Variants in C10orf90 observed in about 807,000 individuals in gnomAD.
C10orf90 encodes the protein chromosome 10 open reading frame 90, also known as (E2-independent) E3 ubiquitin-conjugating enzyme FATS.
A neutral mutation model predicts 62.5 loss-of-function variants in C10orf90; 56 were observed. That is an observed-to-expected ratio of 0.90 (90% confidence interval 0.72 to 1.12). C10orf90 has a LOEUF of 1.12. Ranked by LOEUF, C10orf90 falls within the 50% of genes most tolerant of loss-of-function variation. The pLI, the probability that C10orf90 is intolerant of heterozygous loss-of-function variation, is 0.00. For missense variants in C10orf90, 970 were observed against 880.4 expected (o/e 1.10, Z -1.29); for synonymous variants, 386 against 340.4 (o/e 1.13, Z -1.47).
chr10:126,638,655 C>A (rs1333427655), intron 2 of C10orf90, among the ~76,000 whole-genome samples: 6 of 152,090 alleles, frequency 3.9e-5, no homozygotes, highest in African/African-American at 1.2e-4. Context: ...CCTTGGATGG[C>A]CTATCATATT....
chr10:126,628,141 C>G (rs1280077558), intron 2 of C10orf90, among the ~76,000 whole-genome samples: 1 of 152,212 alleles, frequency 6.6e-6, no homozygotes, highest in Non-Finnish European at 1.5e-5. Flanking sequence ...TGGATTCCAG[C>G]CCTACCAGGC....
At chr10:126,532,185 A>G (rs1040908400) in intron 2 of C10orf90, among the ~76,000 whole-genome samples, 1 of 152,098 alleles carries the variant, frequency 6.6e-6, no homozygotes, top group South Asian at 2.1e-4. Context: ...CTTCCATCTC[A>G]TTGCATCTCA....
intron 4 of C10orf90, among the ~76,000 whole-genome samples, chr10:126,497,409 A>G (rs1429873491): frequency 6.6e-6 from 1 of 152,150 alleles, no homozygotes; most frequent in East Asian, 1.9e-4. Context: ...AGAGCAAACA[A>G]CGCAAGGAGG....
chr10:126,650,561 T>G (rs1023531981), intron 1 of C10orf90, among the ~76,000 whole-genome samples: 1 of 152,008 alleles, frequency 6.6e-6, no homozygotes, highest in Admixed American at 6.6e-5. Context: ...AGTAATTTAG[T>G]AAAGGACCCC....
At chr10:126,564,571 C>A (rs72839033) in intron 2 of C10orf90, among the ~76,000 whole-genome samples, 11,852 of 150,948 alleles carry the variant, frequency 0.079, 520 homozygotes, top group Middle Eastern at 0.099. Flanking sequence ...AAGGGCCCAC[C>A]TTTTGCAGCC....
chr10:126,644,810 TG>T (rs888709226), intron 2 of C10orf90, among the ~76,000 whole-genome samples: 5 of 152,282 alleles, frequency 3.3e-5, no homozygotes, highest in African/African-American at 9.6e-5. Context: ...GAGGAAAACA[TG>T]GCACTCTTCT....
At chr10:126,440,645 C>G (rs1858245609) in intron 7 of C10orf90, among the ~76,000 whole-genome samples, 1 of 152,150 alleles carries the variant, frequency 6.6e-6, no homozygotes, top group African/African-American at 2.4e-5. Context: ...ATTTCACTCC[C>G]CTGCCACCTT....
intron 2 of C10orf90, among the ~76,000 whole-genome samples, chr10:126,587,535 C>T (rs1844897259): frequency 6.6e-6 from 1 of 152,128 alleles, no homozygotes; most frequent in Non-Finnish European, 1.5e-5. Flanking sequence ...TCCTGAGGGC[C>T]TCATCCTCAT....
chr10:126,662,291 T>C (rs1424778762), intron 1 of C10orf90, among the ~76,000 whole-genome samples: 1 of 152,084 alleles, frequency 6.6e-6, no homozygotes, highest in African/African-American at 2.4e-5. Flanking sequence ...GTCTCTACAT[T>C]CCAGGTGGTA....
chr10:126,490,253 A>C (rs1448533999), intron 4 of C10orf90, among the ~76,000 whole-genome samples: 1 of 149,714 alleles, frequency 6.7e-6, no homozygotes, highest in Non-Finnish European at 1.5e-5. Flanking sequence ...GAGGACATTA[A>C]GTAAAATAAG....
chr10:126,549,741 T>A (rs11245034), intron 2 of C10orf90, among the ~76,000 whole-genome samples: 10 of 102,882 alleles, frequency 9.7e-5, no homozygotes, highest in Non-Finnish European at 1.2e-4. Flanking sequence ...TTATTCATAA[T>A]AGCAAAAAAA....
At chr10:126,516,613 G>A (rs534523630) in intron 2 of C10orf90, among the ~76,000 whole-genome samples, 34 of 152,346 alleles carry the variant, frequency 2.2e-4, no homozygotes, top group Non-Finnish European at 4.4e-4. Flanking sequence ...TAGCTTTGGG[G>A]AGATGCCTCG....
At chr10:126,464,495 C>T (rs531436412) in intron 5 of C10orf90, among the ~76,000 whole-genome samples, 38 of 152,262 alleles carry the variant, frequency 2.5e-4, no homozygotes, top group Admixed American at 2.3e-3. Flanking sequence ...TGAAAATCCC[C>T]GACCCACATA....
intron 2 of C10orf90, among the ~76,000 whole-genome samples, chr10:126,517,472 A>G (rs1258235729): frequency 6.6e-6 from 1 of 152,172 alleles, no homozygotes; most frequent in Non-Finnish European, 1.5e-5. Flanking sequence ...AAATTAGAAT[A>G]TGCAGTCAAG....
At position 126,504,700 on chromosome 10, in the gene C10orf90, C is replaced by G; in HGVS notation, c.791G>C (p.Cys264Ser). 6.2e-7 allele frequency: 1 copy of G among 1,612,224 alleles called. No homozygotes were observed. The highest frequency in any genetic ancestry group is 8.5e-7 in the Non-Finnish European group (1 of 1,178,870). Residue 264 changes from cysteine (C) to serine (S), a missense_variant, in exon 4 of 10, where the codon TGC (cysteine) becomes TCC (serine). By Grantham distance (112) the Cys-to-Ser change is moderately radical. Coordinates refer to ENST00000488181, the MANE Select transcript of C10orf90 (RefSeq NM_001350921.2). The surrounding 1 kb of genome is among the most constrained non-coding windows in gnomAD (Gnocchi z 4.1). ...CTGGAACAGTGTGTCCTCAGCCCTG[C>G]ACTTGGGGCACAGAGAGTCCCCAGC... ...GTAGDSLCPKCRAEDTLFQAP... is the reference protein window; with the variant it reads ...GTAGDSLCPKSRAEDTLFQAP...
intron 7 of C10orf90, 30 bp downstream of exon 7, chr10:126,459,010 T>C (rs1859771206): frequency 6.3e-7 from 1 of 1,597,738 alleles, no homozygotes; most frequent in South Asian, 1.1e-5. Flanking sequence ...CCTGGTCTTT[T>C]CCAGTCTCCA....
At chr10:126,426,197 C>A (rs1418160154) in intron 8 of C10orf90, 107 bp from the exon 9 acceptor site, 2 of 901,562 alleles carry the variant, frequency 2.2e-6, no homozygotes, top group South Asian at 3.0e-5. Flanking sequence ...AAGAGAAGAT[C>A]GCTGCTTATG....
chr10:126,651,209 C>T (rs1846284874), intron 1 of C10orf90, among the ~76,000 whole-genome samples: 1 of 152,174 alleles, frequency 6.6e-6, no homozygotes, highest in Non-Finnish European at 1.5e-5. Flanking sequence ...TCCTGACTCT[C>T]CCTTCAAGAT....
At chr10:126,462,739 A>T (rs1445371564) in intron 5 of C10orf90, among the ~76,000 whole-genome samples, 1 of 152,074 alleles carries the variant, frequency 6.6e-6, no homozygotes, top group Non-Finnish European at 1.5e-5. Flanking sequence ...CATGATTACA[A>T]CGACTACAAC....
Sources: allele counts gnomAD v4.1 joint callset (sites outside exome capture counted in the v4.1 genomes callset), GRCh38; gene constraint gnomAD v4.1.1; non-coding constraint Gnocchi (gnomAD v3.1); transcripts MANE v1.5; gene names NCBI Gene and HGNC (gene_info 2026-07-23, HGNC 2026-07-21).